Variants in SAG observed in about 807,000 individuals in gnomAD.
SAG encodes S-antigen visual arrestin.
A neutral mutation model predicts 55.0 loss-of-function variants in SAG; 45 were observed. The ratio of observed to expected loss-of-function variants is 0.82; its 90% CI spans 0.64 to 1.05. The LOEUF (loss-of-function observed/expected upper bound fraction) is 1.05. Ranked by LOEUF, SAG falls within the 50% of genes least tolerant of loss-of-function variation. SAG has a pLI of 0.00. For synonymous variants in SAG, 189 were observed against 197.4 expected, an observed-to-expected ratio of 0.96 and a Z score of 0.36; for missense variants, 455 against 512.1, an observed-to-expected ratio of 0.89 and a Z score of 1.08.
chr2:233,329,394 A>T (rs1700676410), intron 8 of SAG, 99 bp from the exon 9 acceptor site: 2 of 749,662 alleles, frequency 2.7e-6, no homozygotes, highest in South Asian at 3.1e-5. Context: ...TGCCGCTTTT[A>T]TTCCAGTGAA....
chr2:233,309,386 C>T (rs1574922920), intron 2 of SAG, 122 bp downstream of exon 2: 9 of 850,426 alleles, frequency 1.1e-5, no homozygotes, highest in Non-Finnish European at 1.5e-5. Flanking sequence ...CGCGGTGGCT[C>T]ATGCCTGTAA....
At chr2:233,328,365 C>G in intron 7 of SAG, 113 bp from the exon 8 acceptor site, 1 of 1,336,190 alleles carries the variant, frequency 7.5e-7, no homozygotes, top group South Asian at 1.4e-5. Context: ...TCCACCCTGT[C>G]TCCATGGGGA....
At chr2:233,321,660 G>C (rs1436305578) in intron 5 of SAG, among the ~76,000 whole-genome samples, 1 of 152,128 alleles carries the variant, frequency 6.6e-6, no homozygotes, top group Non-Finnish European at 1.5e-5. Flanking sequence ...TTGGGAAGAT[G>C]AAAAATGTTC....
chr2:233,317,518 A>C (rs1240129256), intron 3 of SAG, among the ~76,000 whole-genome samples: 1 of 152,252 alleles, frequency 6.6e-6, no homozygotes, highest in Non-Finnish European at 1.5e-5. Flanking sequence ...GCAGTTTCAG[A>C]CACTGGATAT....
intron 10 of SAG, chr2:233,332,493 T>C (rs1218733802): frequency 6.6e-6 from 1 of 152,174 alleles, no homozygotes; most frequent in East Asian, 1.9e-4. Flanking sequence ...TATAAGGTAA[T>C]AGATAGATTT....
At chr2:233,346,519 C>T in intron 15 of SAG, 107 bp downstream of exon 15, 1 of 1,253,398 alleles carries the variant, frequency 8.0e-7, no homozygotes, top group Non-Finnish European at 1.2e-6. Context: ...AGCTCTCCTG[C>T]CGGCTCAGGA....
chr2:233,328,376 G>C, intron 7 of SAG, 102 bp from the exon 8 acceptor site: 1 of 1,388,314 alleles, frequency 7.2e-7, no homozygotes, highest in African/African-American at 1.4e-5. Flanking sequence ...TCCATGGGGA[G>C]CATTCCTGGA....
chr2:233,312,280 C>A (rs1179698514), intron 2 of SAG, among the ~76,000 whole-genome samples: 1 of 152,148 alleles, frequency 6.6e-6, no homozygotes, highest in Admixed American at 6.6e-5. Context: ...TTGTCTCTCC[C>A]GTCCACTCTG....
intron 6 of SAG, among the ~76,000 whole-genome samples, 171 bp downstream of exon 6, chr2:233,323,176 A>G (rs1303188392): frequency 6.6e-6 from 1 of 152,150 alleles, no homozygotes; most frequent in Non-Finnish European, 1.5e-5. Flanking sequence ...CTCTAGCCTC[A>G]GCATCCTGAG....
chr2:233,330,475 CCCTTCCTTCCTTCCTTCCTT>C (rs775846940), intron 9 of SAG, among the ~76,000 whole-genome samples: 51 of 46,364 alleles, frequency 1.1e-3, no homozygotes, highest in East Asian at 2.3e-3. Context: ...TTCCCTCCCT[CCCTTCCTTCCTTCCTTCCTT>C]CCTTCCTTCC....
chr2:233,317,286 C>T (rs546283814), intron 3 of SAG, among the ~76,000 whole-genome samples: 1 of 152,362 alleles, frequency 6.6e-6, no homozygotes, highest in Non-Finnish European at 1.5e-5. Flanking sequence ...TTCACAGCAG[C>T]TTTATTTGTG....
intron 14 of SAG, chr2:233,343,080 GGTT>G (rs1438788950): frequency 6.4e-5 from 8 of 125,726 alleles, no homozygotes; most frequent in African/African-American, 2.4e-4. Context: ...TTTTTTTTGG[GGTT>G]TTTTTTTTTT....
In SAG at chr2:233,347,037, CTTGT is replaced by C. The variant is rs1701274936; in HGVS notation, c.*131_*134del. 1.6e-6 allele frequency: 1 copy of C among 633,218 alleles called. No homozygotes were observed. Among genetic ancestry groups the C allele is most frequent in the East Asian group, 2.7e-5 (1 of 36,398 alleles). The allele number at this position is 633,218 out of a possible 1,614,324, so 39.2% of individuals were successfully genotyped here. A position where few individuals can be genotyped will look rare whatever the true frequency, so the allele number is the denominator to read the frequency against. On this transcript the variant is annotated 3_prime_UTR_variant, in exon 16 of 16. Coordinates refer to ENST00000409110, the MANE Select transcript of SAG (RefSeq NM_000541.5). This position sits in a 1 kb window ranked among gnomAD's most constrained non-coding sequence, Gnocchi z 4.5. ...ATGAGTCTTCTTCCGAGAAATAAAG[CTTGT>C]TTGTTCTCCCCTGGGTCATGAGTTG...
At chr2:233,309,667 G>A (rs959513180) in intron 2 of SAG, among the ~76,000 whole-genome samples, 1 of 150,918 alleles carries the variant, frequency 6.6e-6, no homozygotes, top group African/African-American at 2.4e-5. Flanking sequence ...AACAAACACT[G>A]TGAGGGCCAG....
intron 3 of SAG, among the ~76,000 whole-genome samples, chr2:233,318,117 G>A (rs1169200189): frequency 6.6e-6 from 1 of 151,854 alleles, no homozygotes; most frequent in Non-Finnish European, 1.5e-5. Flanking sequence ...GGGACCACAG[G>A]CATGCACCAC....
chr2:233,328,635 T>C (rs1700649948), intron 8 of SAG, 22 bp downstream of exon 8: 1 of 1,595,986 alleles, frequency 6.3e-7, no homozygotes, highest in Non-Finnish European at 8.6e-7. Flanking sequence ...CCATCGCTAC[T>C]ACCCGCAGGG....
chr2:233,321,558 A>C (rs746503914), intron 5 of SAG, among the ~76,000 whole-genome samples: 1 of 152,204 alleles, frequency 6.6e-6, no homozygotes, highest in African/African-American at 2.4e-5. Flanking sequence ...TGGAGTAATC[A>C]GATTCATACA....
chr2:233,329,802 T>G (rs1700691277), intron 9 of SAG, among the ~76,000 whole-genome samples: 1 of 152,234 alleles, frequency 6.6e-6, no homozygotes, highest in Admixed American at 6.5e-5. Flanking sequence ...GGAACAAAAT[T>G]CCTGGCAAGT....
intron 5 of SAG, among the ~76,000 whole-genome samples, chr2:233,321,589 TC>T (rs1700381543): frequency 6.6e-6 from 1 of 152,092 alleles, no homozygotes. Context: ...GAATAGAGCT[TC>T]CCACAGGCTG....
Sources: allele counts gnomAD v4.1 joint callset (sites outside exome capture counted in the v4.1 genomes callset), GRCh38; gene constraint gnomAD v4.1.1; non-coding constraint Gnocchi (gnomAD v3.1); transcripts MANE v1.5; gene names NCBI Gene and HGNC (gene_info 2026-07-23, HGNC 2026-07-21).